The following IFIH1 variants were observed in gnomAD, a reference collection of about 807,000 sequenced individuals.
IFIH1 encodes the protein interferon-induced helicase C domain-containing protein 1.
In IFIH1, 125 loss-of-function variants were observed where a neutral mutation model predicts 107.4. The observed-to-expected ratio is 1.16, with a 90% confidence interval of 1.01 to 1.35. The LOEUF (loss-of-function observed/expected upper bound fraction) is 1.35, where lower values mean the gene tolerates loss of function less well. IFIH1 is among the 40% of genes most tolerant of loss of function. The probability of loss-of-function intolerance (pLI) is 0.00; values close to 1 mark genes in which losing one functional copy is unlikely to be tolerated. For synonymous variants in IFIH1, 458 were observed against 413.2 expected, an observed-to-expected ratio of 1.11 and a Z score of -1.31; for missense variants, 1,333 against 1,213.7, an observed-to-expected ratio of 1.10 and a Z score of -1.46.
At position 162,281,561 on chromosome 2, in the gene IFIH1, A is replaced by T. The variant is rs1558867547; in HGVS notation, c.1307-16T>A. ...AGGGAAAAGTCTTAAAAGAAAATTCAAAGAGTTCATTTCTCCATATCAGCA... is the reference window on the plus strand; with the variant it reads ...AGGGAAAAGTCTTAAAAGAAAATTCTAAGAGTTCATTTCTCCATATCAGCA... On this transcript the variant is annotated splice_polypyrimidine_tract_variant and intron_variant, in intron 6 of 15. Coordinates refer to ENST00000649979, the MANE Select transcript of IFIH1 (RefSeq NM_022168.4). The T allele has an allele frequency of 1.9e-6, 3 of 1,568,288 alleles. No individual in the cohort carries two copies. In the East Asian group the frequency reaches 6.8e-5, roughly 35 times the overall value.
At chr2:162,284,843 T>C (rs1050992875) in intron 5 of IFIH1, among the ~76,000 whole-genome samples, 10 of 152,016 alleles carry the variant, frequency 6.6e-5, no homozygotes, top group African/African-American at 2.4e-4. Flanking sequence ...TTAAATACAC[T>C]CATGCTGAAT....
At position 162,272,028 on chromosome 2, in the gene IFIH1, G is replaced by T. The variant is rs13415800; in HGVS notation, c.2616+198C>A. Among the ~76,000 whole-genome samples the T allele has an allele frequency of 0.094, 14,271 of 152,176 alleles. 2,275 individuals are homozygous for T. The highest frequency in any genetic ancestry group is 0.33 in the African/African-American group (13,517 of 41,444). On this transcript the variant is annotated intron_variant, in intron 13 of 15. Transcript: ENST00000649979. ...TTTATGGTTGGTTTTACTGGAATGAGGAATGGCTCCCTGATAATTTCCTGC... is the reference window on the plus strand; with the variant it reads ...TTTATGGTTGGTTTTACTGGAATGATGAATGGCTCCCTGATAATTTCCTGC...
intron 13 of IFIH1, among the ~76,000 whole-genome samples, chr2:162,269,405 T>C (rs1690991060): frequency 6.6e-6 from 1 of 152,188 alleles, no homozygotes; most frequent in Admixed American, 6.5e-5. Context: ...AAGGCCTGGA[T>C]TCCTCATAAC....
chr2:162,301,523 A>G (rs1678347816), intron 3 of IFIH1, among the ~76,000 whole-genome samples: 2 of 152,226 alleles, frequency 1.3e-5, no homozygotes, highest in Admixed American at 6.5e-5. Context: ...TTAGTTTTAA[A>G]TGTCACTTAA....
rs144124365 is a variant in IFIH1, at chr2:162,298,790, G to GCACA, written c.770-5126_770-5123dup. ...TCTACACACACACGCACGCGCGCGC[G>GCACA]CACACACACACACACACACACTCAC... On this transcript the variant is annotated intron_variant, in intron 3 of 15. Coordinates refer to ENST00000649979, the MANE Select transcript of IFIH1 (RefSeq NM_022168.4). Among the ~76,000 whole-genome samples, 108 of 149,294 alleles carry GCACA rather than the reference G, an allele frequency of 7.2e-4. 1 individual carries two copies. In the East Asian group the frequency reaches 0.017, roughly 24 times the overall value.
intron 1 of IFIH1, among the ~76,000 whole-genome samples, chr2:162,313,928 G>A (rs551093574): frequency 3.0e-4 from 45 of 152,274 alleles, no homozygotes; most frequent in African/African-American, 1.1e-3. Flanking sequence ...GAACTGGACT[G>A]TTCTTAGGTG....
At chr2:162,294,189 T>C (rs910486678) in intron 3 of IFIH1, among the ~76,000 whole-genome samples, 2 of 151,956 alleles carry the variant, frequency 1.3e-5, no homozygotes, top group African/African-American at 4.8e-5. Context: ...AGAATATCAC[T>C]AAAGCCTGGC....
At chr2:162,307,508 C>T (rs562854875) in intron 2 of IFIH1, among the ~76,000 whole-genome samples, 7 of 152,276 alleles carry the variant, frequency 4.6e-5, no homozygotes, top group African/African-American at 1.2e-4. Context: ...CCCCTCTTTT[C>T]TTCTTTCCTC....
chr2:162,282,546 C>A lies in IFIH1; in HGVS notation c.1126G>T (p.Glu376Ter). 1 of 1,610,948 alleles carries A rather than the reference C, an allele frequency of 6.2e-7. No homozygotes were observed. Among genetic ancestry groups the A allele is most frequent in the Non-Finnish European group, 8.5e-7 (1 of 1,178,376 alleles). ...VLLVEQLFRK[E>*]FQPFLKKWYR... ...CATTTCTTCAAAAATGGTTGGAACTCCTTGCGGAAGAGCTGTTCAACTAGC... is the reference window on the plus strand; with the variant it reads ...CATTTCTTCAAAAATGGTTGGAACTACTTGCGGAAGAGCTGTTCAACTAGC... The change falls in exon 6 of 16, where the codon GAG (glutamate) becomes TAG (stop). Residue 376 changes from glutamate to a stop codon, truncating the protein, a stop_gained. Transcript: ENST00000649979. LOFTEE classifies it high-confidence loss of function.
chr2:162,310,437 A>G (rs935734170), intron 2 of IFIH1: 4 of 413,056 alleles, frequency 9.7e-6, no homozygotes, highest in Non-Finnish European at 1.3e-5. Flanking sequence ...ATTTTTTATA[A>G]CCACTAAAAT....
chr2:162,269,694 C>T (rs1199922514), intron 13 of IFIH1, among the ~76,000 whole-genome samples: 4 of 151,962 alleles, frequency 2.6e-5, no homozygotes, highest in East Asian at 1.9e-4. Flanking sequence ...TCTTTAAGAC[C>T]GAGGGAGAAA....
At chr2:162,314,040 T>C (rs1029889008) in intron 1 of IFIH1, among the ~76,000 whole-genome samples, 3 of 152,164 alleles carry the variant, frequency 2.0e-5, no homozygotes, top group African/African-American at 7.2e-5. Flanking sequence ...GGATGAAACA[T>C]GCATCTCTCT....
chr2:162,268,753 C>T (rs2105188487), intron 13 of IFIH1, among the ~76,000 whole-genome samples: 1 of 152,160 alleles, frequency 6.6e-6, no homozygotes, highest in South Asian at 2.1e-4. Context: ...CCATGCTCAG[C>T]TAATTTTCAT....
intron 3 of IFIH1, among the ~76,000 whole-genome samples, chr2:162,305,285 C>A (rs1315161922): frequency 6.6e-6 from 1 of 152,092 alleles, no homozygotes; most frequent in Non-Finnish European, 1.5e-5. Context: ...TACAAAATAA[C>A]AAGGCCAGGC....
At chr2:162,270,261 T>C (rs749427024) in intron 13 of IFIH1, among the ~76,000 whole-genome samples, 2 of 152,130 alleles carry the variant, frequency 1.3e-5, no homozygotes, top group South Asian at 4.1e-4. Context: ...GAGAAAAACA[T>C]TTATGATGAT....
intron 3 of IFIH1, among the ~76,000 whole-genome samples, chr2:162,300,833 C>T (rs975668828): frequency 6.6e-6 from 1 of 152,076 alleles, no homozygotes; most frequent in African/African-American, 2.4e-5. Flanking sequence ...TCTAGAGATT[C>T]TAAAAATCTC....
chr2:162,301,543 A>G (rs1683193688), intron 3 of IFIH1, among the ~76,000 whole-genome samples: 1 of 152,212 alleles, frequency 6.6e-6, no homozygotes, highest in African/African-American at 2.4e-5. Context: ...ATTTCCTTTG[A>G]TTTTATTGTA....
rs146039980 is a variant in IFIH1, at chr2:162,278,326, A to T, written c.1644T>A (p.Asp548Glu). 2 of 1,329,344 alleles carry T rather than the reference A, an allele frequency of 1.5e-6. No individual in the cohort carries two copies. The highest frequency in any genetic ancestry group is 2.1e-6 in the Non-Finnish European group (2 of 941,138). 82.3% of individuals were successfully genotyped at this position (1,329,344 alleles called of 1,614,324 possible). ...KFAIADATREDPFKEKLLEIM... is the reference protein window; with the variant it reads ...KFAIADATREEPFKEKLLEIM... Reference sequence around the variant, plus strand: ...TTTCTAGAAGTTTCTCTTTAAATGGATCCTAAAAATAAAGTACACACTTAT... The same window carrying T: ...TTTCTAGAAGTTTCTCTTTAAATGGTTCCTAAAAATAAAGTACACACTTAT... Residue 548 changes from aspartate (D) to glutamate (E), a missense_variant and splice_region_variant, in exon 9 of 16, where the codon GAT (aspartate) becomes GAA (glutamate). Asp to Glu is a conservative substitution (Grantham distance 45). Transcript: ENST00000649979.
chr2:162,278,191 C>G lies in IFIH1; in HGVS notation c.1765+14G>C, dbSNP rs1385590713. On this transcript the variant is annotated intron_variant, in intron 9 of 15. Transcript: ENST00000649979. ...CATGGGATAAACTAAGTGTTAGGTC[C>G]AAACCTAAATTACCTTTTTTTTCCA... 5 of 1,596,924 alleles carry G rather than the reference C, an allele frequency of 3.1e-6. No individual in the cohort carries two copies. Among genetic ancestry groups the G allele is most frequent in the Non-Finnish European group, 4.3e-6 (5 of 1,174,008 alleles).
Sources: allele counts gnomAD v4.1 joint callset (sites outside exome capture counted in the v4.1 genomes callset), GRCh38; gene constraint gnomAD v4.1.1; transcripts MANE v1.5; gene names NCBI Gene and HGNC (gene_info 2026-07-23, HGNC 2026-07-21).